ZYG11A: variants seen among roughly 807,000 people sequenced by gnomAD.
ZYG11A encodes protein zyg-11 homolog A.
ZYG11A carries 62 observed loss-of-function variants against 77.2 expected under a neutral mutation model. The ratio of observed to expected loss-of-function variants is 0.80; its 90% CI spans 0.65 to 0.99. The LOEUF (loss-of-function observed/expected upper bound fraction) is 0.99, where lower values mean the gene tolerates loss of function less well. Ranked by LOEUF, ZYG11A falls within the 50% of genes least tolerant of loss-of-function variation. The probability of loss-of-function intolerance (pLI) is 0.00; values close to 1 mark genes in which losing one functional copy is unlikely to be tolerated. For missense variants in ZYG11A, 828 were observed against 896.8 expected (o/e 0.92, Z 0.98); for synonymous variants, 315 against 324.6 (o/e 0.97, Z 0.32).
At chr1:52,889,710 A>G (rs1646507564) in intron 13 of ZYG11A, among the ~76,000 whole-genome samples, 1 of 131,286 alleles carries the variant, frequency 7.6e-6, no homozygotes, top group Non-Finnish European at 1.6e-5. Context: ...TTTGCTAAAT[A>G]CCATTTTTTT....
At chr1:52,881,849 G>A (rs1298908260) in intron 11 of ZYG11A, 184 bp downstream of exon 11, 10 of 483,360 alleles carry the variant, frequency 2.1e-5, no homozygotes, top group Admixed American at 7.7e-5. Flanking sequence ...GACTTACTTC[G>A]GTCCTCTTTC....
chr1:52,851,917 T>C (rs1301955829), intron 1 of ZYG11A, among the ~76,000 whole-genome samples: 1 of 144,554 alleles, frequency 6.9e-6, no homozygotes, highest in Non-Finnish European at 1.5e-5. Context: ...CTTCCTAATT[T>C]TTTTTTTTTT....
intron 8 of ZYG11A, 89 bp from the exon 9 acceptor site, chr1:52,877,593 G>A: frequency 8.5e-7 from 1 of 1,178,552 alleles, no homozygotes; most frequent in Non-Finnish European, 1.2e-6. Context: ...TAGAACCGAG[G>A]TTTGATGCGT....
intron 1 of ZYG11A, among the ~76,000 whole-genome samples, chr1:52,844,499 G>A (rs149273936): frequency 0.014 from 2,139 of 152,084 alleles, 23 homozygotes; most frequent in Middle Eastern, 0.13. Flanking sequence ...CATTTTCTTT[G>A]TTAAGGATTT....
intron 8 of ZYG11A, among the ~76,000 whole-genome samples, chr1:52,871,136 T>A (rs1646156407): frequency 1.3e-5 from 2 of 152,130 alleles, no homozygotes; most frequent in Non-Finnish European, 2.9e-5. Context: ...AAAAAATTCT[T>A]TGTTTTGTTT....
rs1404251040 is a variant in ZYG11A, at chr1:52,857,161, A to G, written c.420A>G (p.Pro140=). ...CTACTGCAGTGCACGCTGACCTCCC[A>G]GTTCCAGACATCATAAGTGGACTCT... ...LNATAVHADL[P]VPDIISGLCS... is the part of the protein sequence containing the mutation. The change falls in exon 3 of 14, where the codon CCA becomes CCG. Residue 140 remains proline, a synonymous_variant. Coordinates refer to ENST00000371528, the MANE Select transcript of ZYG11A (RefSeq NM_001004339.3). The G allele has an allele frequency of 1.9e-6, 3 of 1,552,034 alleles. No individual in the cohort carries two copies. Among genetic ancestry groups the G allele is most frequent in the Non-Finnish European group, 2.6e-6 (3 of 1,147,080 alleles).
Position 52,877,672 on chromosome 1 carries a change from T to C in ZYG11A, c.1543-10T>C. The stretch of plus-strand genomic sequence containing the variant: ...GCATCTAACTCCCTCCCTGTCTCTT[T>C]GGTTTTTAGGAACTTCTAGCAATAG... On this transcript the variant is annotated splice_polypyrimidine_tract_variant and intron_variant, in intron 8 of 13. Transcript: ENST00000371528. The C allele has an allele frequency of 6.5e-7, 1 of 1,543,962 alleles. No individual in the cohort carries two copies.
At chr1:52,865,045 T>A (rs1645999925) in intron 5 of ZYG11A, among the ~76,000 whole-genome samples, 1 of 151,568 alleles carries the variant, frequency 6.6e-6, no homozygotes, top group Non-Finnish European at 1.5e-5. Context: ...CACTGCAACC[T>A]CTGCCTCCTG....
chr1:52,892,620 A>C (rs985478325), intron 13 of ZYG11A, among the ~76,000 whole-genome samples, 162 bp from the exon 14 acceptor site: 1 of 152,158 alleles, frequency 6.6e-6, no homozygotes, highest in Non-Finnish European at 1.5e-5. Flanking sequence ...AAGCCAAGCA[A>C]GTTTTGAAGA....
At chr1:52,885,046 TTA>T (rs1276323641) in intron 11 of ZYG11A, among the ~76,000 whole-genome samples, 1 of 152,084 alleles carries the variant, frequency 6.6e-6, no homozygotes, top group Admixed American at 6.6e-5. Context: ...GTAGCTGGGA[TTA>T]TAGGCACACA....
At chr1:52,845,379 C>T (rs1645544415) in intron 1 of ZYG11A, among the ~76,000 whole-genome samples, 1 of 148,918 alleles carries the variant, frequency 6.7e-6, no homozygotes, top group Non-Finnish European at 1.5e-5. Context: ...AATCTTGACT[C>T]ACTGCAACCT....
intron 1 of ZYG11A, among the ~76,000 whole-genome samples, chr1:52,845,676 AT>A (rs1364871716): frequency 1.3e-5 from 2 of 148,568 alleles, no homozygotes; most frequent in Non-Finnish European, 3.0e-5. Flanking sequence ...GAAAGTAAAC[AT>A]TTTAATTTTT....
chr1:52,885,795 A>T (rs963886015), intron 11 of ZYG11A, 38 bp from the exon 12 acceptor site: 2 of 1,433,128 alleles, frequency 1.4e-6, no homozygotes, highest in Non-Finnish European at 1.9e-6. Flanking sequence ...ATGATGGATT[A>T]TTCAAATGTT....
At chr1:52,865,364 A>G (rs1024520858) in intron 5 of ZYG11A, among the ~76,000 whole-genome samples, 1 of 152,248 alleles carries the variant, frequency 6.6e-6, no homozygotes. Context: ...TTGTTAATAC[A>G]GTACAAATCA....
intron 5 of ZYG11A, among the ~76,000 whole-genome samples, chr1:52,865,779 T>C (rs1646013332): frequency 6.6e-6 from 1 of 152,146 alleles, no homozygotes; most frequent in South Asian, 2.1e-4. Flanking sequence ...ACTGTAATTT[T>C]CCGAGGATAG....
At chr1:52,871,244 C>G (rs568518645) in intron 8 of ZYG11A, among the ~76,000 whole-genome samples, 53 of 152,238 alleles carry the variant, frequency 3.5e-4, no homozygotes, top group Non-Finnish European at 6.5e-4. Flanking sequence ...TGGGCTCAAG[C>G]GACCCTCTTG....
At chr1:52,867,451 G>A in intron 6 of ZYG11A, 88 bp from the exon 7 acceptor site, 1 of 869,484 alleles carries the variant, frequency 1.2e-6, no homozygotes, top group Non-Finnish European at 1.8e-6. Context: ...TTCATTATAG[G>A]ATTACTTGGG....
At chr1:52,847,960 C>T (rs376624350) in intron 1 of ZYG11A, among the ~76,000 whole-genome samples, 95 of 152,170 alleles carry the variant, frequency 6.2e-4, no homozygotes, top group African/African-American at 2.1e-3. Context: ...AGCTCCGCCT[C>T]CCTTGTTCAC....
chr1:52,868,730 T>C (rs1646078552), intron 8 of ZYG11A, among the ~76,000 whole-genome samples: 1 of 152,216 alleles, frequency 6.6e-6, no homozygotes, highest in South Asian at 2.1e-4. Flanking sequence ...GAGGTTGCAG[T>C]GAGCTAAGAT....
Sources: gnomAD v4.1 joint callset for allele counts (sites outside exome capture counted in the v4.1 genomes callset) on GRCh38, gnomAD v4.1.1 for gene constraint, MANE v1.5 for transcripts, NCBI Gene and HGNC (gene_info 2026-07-23, HGNC 2026-07-21) for gene names.